Variants in CARMIL3 observed in about 807,000 individuals in gnomAD.
CARMIL3 encodes the protein capping protein regulator and myosin 1 linker 3, also known as capping protein, Arp2/3 and myosin-I linker protein 3.
Under a neutral mutation model 180.8 loss-of-function variants are expected in CARMIL3, and 88 were observed. The observed-to-expected ratio is 0.49, with a 90% CI of 0.41 to 0.58. The LOEUF (loss-of-function observed/expected upper bound fraction) is 0.58, where lower values mean the gene tolerates loss of function less well. Ranked by LOEUF, CARMIL3 falls within the 20% of genes least tolerant of loss-of-function variation. CARMIL3 has a pLI of 0.00. For missense variants in CARMIL3, 1,548 were observed against 1,787.0 expected (o/e 0.87, Z 2.41); for synonymous variants, 696 against 714.5 (o/e 0.97, Z 0.41).
chr14:24,059,651 AC>A lies in CARMIL3; in HGVS notation c.1800-10del, dbSNP rs751049838. Reference sequence around the variant, plus strand: ...GAGGAGAGGTGCCAAACTGGTGCTTACCCTCCCCCCAGAACTATCCTATGGG... The same window carrying A: ...GAGGAGAGGTGCCAAACTGGTGCTTACCTCCCCCCAGAACTATCCTATGGG... On this transcript the variant is annotated splice_polypyrimidine_tract_variant and intron_variant, in intron 21 of 39. Transcript: ENST00000342740. This position sits in a 1 kb window ranked among gnomAD's most constrained non-coding sequence, Gnocchi z 6.3. The A allele has an allele frequency of 1.2e-6, 2 of 1,613,126 alleles. No individual in the cohort carries two copies. Among genetic ancestry groups the A allele is most frequent in the Admixed American group, 1.7e-5 (1 of 59,906 alleles).
intron 27 of CARMIL3, chr14:24,062,214 C>G: frequency 1.8e-6 from 1 of 559,460 alleles, no homozygotes; most frequent in African/African-American, 1.9e-5. Context: ...AGGGGCCTGA[C>G]CTAGGGCCCC....
chr14:24,069,242 C>A lies in CARMIL3; in HGVS notation c.4088C>A (p.Pro1363His), dbSNP rs750517140. 1.2e-6 allele frequency: 2 copies of A among 1,614,126 alleles called. No homozygotes were observed. Among genetic ancestry groups the A allele is most frequent in the Non-Finnish European group, 1.7e-6 (2 of 1,180,002 alleles). ...CCTGATAGAAGACGGCCTCCTGACC[C>A]CACAGGTGCTGGTGGTGAGAGGGCA... is the stretch of plus-strand genomic sequence containing the variant. ...LEPDRRRPPD[P>H]TGTSEPGTD The change falls in exon 39 of 40, where the codon CCC becomes CAC. Residue 1363 changes from proline (P) to histidine (H), a missense_variant. Around this residue, in one of 4 missense-constraint regions of CARMIL3, gnomAD observed 668 missense variants for 687.8 expected, o/e 0.97. Coordinates refer to ENST00000342740, the MANE Select transcript of CARMIL3 (RefSeq NM_138360.4).
Position 24,065,550 on chromosome 14 carries a change from T to C in CARMIL3, c.3397-72T>C, listed in dbSNP as rs1247377948. Reference sequence around the variant, plus strand: ...GGACTCAGTGAGGCAGGGGTCCTCCTGACAACTCCCTCACAGCCTGGGGAG... The same window carrying C: ...GGACTCAGTGAGGCAGGGGTCCTCCCGACAACTCCCTCACAGCCTGGGGAG... On this transcript the variant is annotated intron_variant, in intron 33 of 39. Coordinates refer to ENST00000342740, the MANE Select transcript of CARMIL3 (RefSeq NM_138360.4). 1.6e-5 allele frequency: 25 copies of C among 1,534,234 alleles called. No homozygotes were observed. The East Asian group carries it at 5.2e-4, about 32-fold the overall frequency.
Position 24,069,489 on chromosome 14 carries a change from C to A in CARMIL3, c.*85C>A. The stretch of plus-strand genomic sequence containing the variant: ...ATCCACCCCCAGTCCCCAGGGCCCC[C>A]TGCCAGCCCCTGTCCTACAGGGGCA... On this transcript the variant is annotated 3_prime_UTR_variant, in exon 40 of 40. Coordinates refer to ENST00000342740, the MANE Select transcript of CARMIL3 (RefSeq NM_138360.4). 6.4e-7 allele frequency: 1 copy of A among 1,561,212 alleles called. No homozygotes were observed. Among genetic ancestry groups the A allele is most frequent in the Non-Finnish European group, 8.8e-7 (1 of 1,140,902 alleles).
At chr14:24,066,893 G>A (rs1043353851) in intron 36 of CARMIL3, among the ~76,000 whole-genome samples, 3 of 152,220 alleles carry the variant, frequency 2.0e-5, no homozygotes, top group Non-Finnish European at 2.9e-5. Context: ...AAACAGGAGC[G>A]ATGCTTTGTG....
chr14:24,057,754 C>T (rs1179202927), intron 14 of CARMIL3, 49 bp from the exon 15 acceptor site: 5 of 1,527,234 alleles, frequency 3.3e-6, no homozygotes, highest in Non-Finnish European at 4.5e-6. Flanking sequence ...TCCTGCCACC[C>T]CCTACCCCCT....
At chr14:24,069,016 C>A in intron 38 of CARMIL3, 50 bp downstream of exon 38, 1 of 1,552,180 alleles carries the variant, frequency 6.4e-7, no homozygotes, top group South Asian at 1.2e-5. Flanking sequence ...TAGGACTTTG[C>A]TGTCCACATC....
chr14:24,058,143 TC>T lies in CARMIL3; in HGVS notation c.1323-9del. 6.2e-7 allele frequency: 1 copy of T among 1,613,524 alleles called. No individual in the cohort carries two copies. The highest frequency in any genetic ancestry group is 1.1e-5 in the South Asian group (1 of 91,070). On this transcript the variant is annotated splice_polypyrimidine_tract_variant and intron_variant, in intron 16 of 39. Transcript: ENST00000342740. The surrounding 1 kb of genome is among the most constrained non-coding windows in gnomAD (Gnocchi z 6.4). ...AGAGGTAAAGGAGGGCCTGCTGACC[TC>T]CCTCCCACAGGGCGCTGCTTCAGGG...
rs755948859 is a variant in CARMIL3, at chr14:24,060,026, G to A, written c.1925G>A (p.Arg642His). 16 of 1,613,836 alleles carry A rather than the reference G, an allele frequency of 9.9e-6. No homozygotes were observed. Among genetic ancestry groups the A allele is most frequent in the East Asian group, 2.2e-5 (1 of 44,888 alleles). ...GTGAGCGACATCTCCCAAGCCTATC[G>A]CAGCGCGCCTGAGCGCACCGAGGAC... Reference protein sequence around the residue: ...FPVSDISQAYRSAPERTEDVW... With the variant: ...FPVSDISQAYHSAPERTEDVW... The change falls in exon 23 of 40, where the codon CGC becomes CAC. Residue 642 changes from arginine (R) to histidine (H), a missense_variant. By Grantham distance (29) the Arg-to-His change is conservative. Transcript: ENST00000342740.
Position 24,058,090 on chromosome 14 carries a change from G to T in CARMIL3, c.1322+26G>T. The T allele has an allele frequency of 6.2e-7, 1 of 1,613,654 alleles. No homozygotes were observed. The highest frequency in any genetic ancestry group is 2.2e-5 in the East Asian group (1 of 44,872). On this transcript the variant is annotated intron_variant, in intron 16 of 39. Transcript: ENST00000342740. The surrounding 1 kb of genome is among the most constrained non-coding windows in gnomAD (Gnocchi z 6.4). ...GTCGGGTGGGTGCAGGGTTGGGGGC[G>T]CATCCAAGGGAACCACGGGGAGCGG...
chr14:24,062,416 G>A, intron 27 of CARMIL3, 64 bp from the exon 28 acceptor site: 1 of 1,393,126 alleles, frequency 7.2e-7, no homozygotes, highest in Non-Finnish European at 1.0e-6. Flanking sequence ...GAGAGGGAGT[G>A]CCTCAGGGGC....
In CARMIL3 at chr14:24,055,378, G is replaced by A. The variant is rs1448024012; in HGVS notation, c.605+68G>A. 7.0e-6 allele frequency: 11 copies of A among 1,567,020 alleles called. No individual in the cohort carries two copies. The Middle Eastern group carries it at 6.9e-4, about 98-fold the overall frequency. On this transcript the variant is annotated intron_variant, in intron 8 of 39. Coordinates refer to ENST00000342740, the MANE Select transcript of CARMIL3 (RefSeq NM_138360.4). Reference sequence around the variant, plus strand: ...TCAGCCCAACCCCAGCCCTTCCCAGGAGTGCCCTTCTGGTCCCACAGCCCC... The same window carrying A: ...TCAGCCCAACCCCAGCCCTTCCCAGAAGTGCCCTTCTGGTCCCACAGCCCC...
At chr14:24,064,163 C>A in intron 31 of CARMIL3, 83 bp from the exon 32 acceptor site, 1 of 890,928 alleles carries the variant, frequency 1.1e-6, no homozygotes, top group Non-Finnish European at 1.8e-6. Flanking sequence ...AATGTCCAAG[C>A]CCAAAGGGGA....
chr14:24,064,507 A>C (rs945554142), intron 32 of CARMIL3, among the ~76,000 whole-genome samples, 161 bp downstream of exon 32: 2 of 152,222 alleles, frequency 1.3e-5, no homozygotes, highest in Non-Finnish European at 2.9e-5. Flanking sequence ...CCCAGCCCTC[A>C]GGGCCCATGA....
At chr14:24,052,987 GCA>G (rs375017948) in intron 1 of CARMIL3, among the ~76,000 whole-genome samples, 4 of 151,918 alleles carry the variant, frequency 2.6e-5, no homozygotes, top group African/African-American at 4.8e-5. Flanking sequence ...TCCCACACCT[GCA>G]CACACACACA....
rs374978444 is a variant in CARMIL3 at position 24,063,360 on chromosome 14, A to T, written c.2806A>T (p.Asn936Tyr). The T allele has an allele frequency of 1.0e-5, 16 of 1,607,716 alleles. No individual in the cohort carries two copies. The African/African-American group carries it at 1.7e-4, about 17-fold the overall frequency. ...SPQDMESQLG[N>Y]LGIPPGWFSG... ...TCAGGACATGGAAAGCCAACTGGGG[A>T]ATCTGGGGATCCCCCCTGGCTGGTT... Residue 936 changes from asparagine (N) to tyrosine (Y), a missense_variant, in exon 31 of 40, where the codon AAT (asparagine) becomes TAT (tyrosine). Asn to Tyr is a moderately radical substitution (Grantham distance 143). Around this residue, in one of 4 missense-constraint regions of CARMIL3, gnomAD observed 668 missense variants for 687.8 expected, o/e 0.97. Coordinates refer to ENST00000342740, the MANE Select transcript of CARMIL3 (RefSeq NM_138360.4).
At position 24,060,620 on chromosome 14, in the gene CARMIL3, T is replaced by C; in HGVS notation, c.2062-8T>C. 1.2e-6 allele frequency: 2 copies of C among 1,613,454 alleles called. No homozygotes were observed. Among genetic ancestry groups the C allele is most frequent in the Non-Finnish European group, 1.7e-6 (2 of 1,179,754 alleles). ...GGTCCCCTTGACACCCCTGCCACTG[T>C]GCTCCAGATGCTGCAGCGGCTGTGT... On this transcript the variant is annotated splice_polypyrimidine_tract_variant and splice_region_variant and intron_variant, in intron 24 of 39. Transcript: ENST00000342740.
In CARMIL3 at chr14:24,054,433, G is replaced by A. The variant is rs780195306; in HGVS notation, c.284G>A (p.Arg95Gln). 106 of 1,614,002 alleles carry A rather than the reference G, an allele frequency of 6.6e-5. 2 individuals carry two copies. The South Asian group carries it at 1.1e-3, about 17-fold the overall frequency. Residue 95 changes from arginine (R) to glutamine (Q), a missense_variant, in exon 5 of 40, where the codon CGA (arginine) becomes CAA (glutamine). Transcript: ENST00000342740. This position sits in a 1 kb window ranked among gnomAD's most constrained non-coding sequence, Gnocchi z 5.1. ...VETERGMVSM[R>Q]LPSAESVDQV... The stretch of plus-strand genomic sequence containing the variant: ...ACGGAGCGTGGCATGGTGAGCATGC[G>A]ACTGCCATCAGCTGAAAGTGTGGAC...
Position 24,061,298 on chromosome 14 carries a change from G to C in CARMIL3, c.2305-199G>C, listed in dbSNP as rs1004916360. The C allele has an allele frequency of 3.1e-6, 2 of 642,872 alleles. No individual in the cohort carries two copies. The highest frequency in any genetic ancestry group is 5.3e-6 in the Non-Finnish European group (2 of 376,202). The allele number at this position is 642,872 out of a possible 1,614,324, so 39.8% of individuals were successfully genotyped here. On this transcript the variant is annotated intron_variant, in intron 26 of 39. Coordinates refer to ENST00000342740, the MANE Select transcript of CARMIL3 (RefSeq NM_138360.4). The surrounding 1 kb of genome is among the most constrained non-coding windows in gnomAD (Gnocchi z 4.1). Reference sequence around the variant, plus strand: ...ATCCTTGGACTGACTGCCCCTGTCTGTATGGTAGGGTGGAAGGAGCACTGA... The same window carrying C: ...ATCCTTGGACTGACTGCCCCTGTCTCTATGGTAGGGTGGAAGGAGCACTGA...
Sources: allele counts gnomAD v4.1 joint callset (sites outside exome capture counted in the v4.1 genomes callset), GRCh38; gene constraint gnomAD v4.1.1; regional missense constraint gnomAD v4.1.1; non-coding constraint Gnocchi (gnomAD v3.1); transcripts MANE v1.5; gene names NCBI Gene and HGNC (gene_info 2026-07-23, HGNC 2026-07-21).